TMEM117: variants seen among roughly 807,000 people sequenced by gnomAD.
TMEM117 encodes the protein transmembrane protein 117.
A neutral mutation model predicts 52.4 loss-of-function variants in TMEM117; 27 were observed. The ratio of observed to expected loss-of-function variants is 0.51; its 90% CI spans 0.38 to 0.71. The LOEUF (loss-of-function observed/expected upper bound fraction) is 0.71, where lower values mean the gene tolerates loss of function less well. Ranked by LOEUF, TMEM117 falls within the 30% of genes least tolerant of loss-of-function variation. The pLI, the probability that TMEM117 is intolerant of heterozygous loss-of-function variation, is 0.00. For synonymous variants in TMEM117, 215 were observed against 206.3 expected (o/e 1.04, Z -0.36); for missense variants, 556 against 630.5 (o/e 0.88, Z 1.26).
rs561316284 is a variant in TMEM117, at chr12:44,011,560, A to T, written c.410+67218A>T. Among the ~76,000 whole-genome samples the T allele has an allele frequency of 3.0e-3, 461 of 152,238 alleles. 3 individuals carry two copies. Among genetic ancestry groups the T allele is most frequent in the African/African-American group, 0.011 (448 of 41,538 alleles). On this transcript the variant is annotated intron_variant, in intron 3 of 7. Transcript: ENST00000266534. ...TCATGATTGTGAGGCCTCCCCAGCC[A>T]TGTGGAATTGTAACTTAATTAAACC...
chr12:44,114,480 G>A (rs182423302), intron 3 of TMEM117, among the ~76,000 whole-genome samples: 1 of 152,140 alleles, frequency 6.6e-6, no homozygotes, highest in Non-Finnish European at 1.5e-5. Context: ...GATCTCAAGA[G>A]AACCTTTTTC....
chr12:44,369,835 G>A (rs1382478047), intron 6 of TMEM117, among the ~76,000 whole-genome samples: 1 of 152,130 alleles, frequency 6.6e-6, no homozygotes, highest in African/African-American at 2.4e-5. Context: ...AGTTCCTCCT[G>A]AGAGAAAACT....
intron 2 of TMEM117, among the ~76,000 whole-genome samples, chr12:43,910,704 GACAA>G (rs1238037786): frequency 2.3e-4 from 28 of 123,698 alleles, no homozygotes; most frequent in African/African-American, 7.3e-4. Flanking sequence ...ACCAACAACA[GACAA>G]ACAGAGAGCC....
intron 5 of TMEM117, among the ~76,000 whole-genome samples, chr12:44,215,805 C>G (rs11609568): frequency 0.11 from 16,026 of 151,568 alleles, 932 homozygotes; most frequent in Middle Eastern, 0.2. Flanking sequence ...AGATCTAGTG[C>G]TCATTAGGGC....
At chr12:44,268,577 T>A (rs1223610259) in intron 5 of TMEM117, among the ~76,000 whole-genome samples, 1 of 152,060 alleles carries the variant, frequency 6.6e-6, no homozygotes, top group African/African-American at 2.4e-5. Flanking sequence ...TATGTATGAG[T>A]TTATCATTTA....
At chr12:44,156,447 G>A (rs1251562408) in intron 4 of TMEM117, among the ~76,000 whole-genome samples, 1 of 152,002 alleles carries the variant, frequency 6.6e-6, no homozygotes, top group Non-Finnish European at 1.5e-5. Context: ...TCCCAAATTT[G>A]TCTGCATACT....
chr12:44,116,387 T>C (rs1004592001), intron 3 of TMEM117, among the ~76,000 whole-genome samples: 6 of 152,192 alleles, frequency 3.9e-5, no homozygotes, highest in Admixed American at 3.9e-4. Flanking sequence ...TCACCTACTA[T>C]TAAAACTACA....
intron 3 of TMEM117, among the ~76,000 whole-genome samples, chr12:44,107,358 T>A (rs1947974976): frequency 1.3e-5 from 2 of 152,130 alleles, no homozygotes; most frequent in South Asian, 4.1e-4. Flanking sequence ...CATTTATTTG[T>A]GACCAGCATC....
chr12:44,195,249 A>G (rs1195748967), intron 4 of TMEM117, among the ~76,000 whole-genome samples: 1 of 152,140 alleles, frequency 6.6e-6, no homozygotes, highest in Non-Finnish European at 1.5e-5. Context: ...TGTAGGGCTG[A>G]GGTCCCTGTT....
intron 3 of TMEM117, among the ~76,000 whole-genome samples, chr12:43,990,363 C>T (rs1374650432): frequency 6.6e-6 from 1 of 152,068 alleles, no homozygotes; most frequent in Non-Finnish European, 1.5e-5. Flanking sequence ...AAGGTAACTC[C>T]AGATTTCCTT....
chr12:43,817,898 C>T, the TMEM117 span, among the ~76,000 whole-genome samples: 2 of 152,150 alleles, frequency 1.3e-5, no homozygotes, highest in South Asian at 2.1e-4. Context: ...CTCAGTTTAT[C>T]TCATGAGTGA....
At chr12:44,255,993 C>T (rs1030032102) in intron 5 of TMEM117, among the ~76,000 whole-genome samples, 3 of 151,850 alleles carry the variant, frequency 2.0e-5, no homozygotes, top group Non-Finnish European at 4.4e-5. Context: ...CCAGACCATT[C>T]CTCATATCCT....
rs142657126 is a variant in TMEM117, at chr12:44,348,808, A to T, written c.769-27787A>T. On this transcript the variant is annotated intron_variant, in intron 6 of 7. Transcript: ENST00000266534. ...CTCAAGACATAGAAGTGTGAGGGTG[A>T]AGAGTTGGGACCATTAGAACGGGCC... 2.8e-3 allele frequency among the ~76,000 whole-genome samples: 426 copies of T among 152,036 alleles called. 3 individuals carry two copies. The highest frequency in any genetic ancestry group is 9.2e-3 in the African/African-American group (384 of 41,530).
chr12:43,866,209 T>G (rs944146640), intron 2 of TMEM117, among the ~76,000 whole-genome samples: 4 of 151,832 alleles, frequency 2.6e-5, no homozygotes, highest in Non-Finnish European at 5.9e-5. Flanking sequence ...GAATGATGGT[T>G]AATTTCTTAT....
chr12:43,832,270 G>A (rs779880749), upstream of TMEM117, among the ~76,000 whole-genome samples: 1 of 152,208 alleles, frequency 6.6e-6, no homozygotes, highest in Admixed American at 6.5e-5. Context: ...TTCATAGAAC[G>A]GTAATGTTTG....
At chr12:43,937,564 G>A (rs759267279) in intron 2 of TMEM117, among the ~76,000 whole-genome samples, 4 of 152,142 alleles carry the variant, frequency 2.6e-5, no homozygotes, top group Non-Finnish European at 4.4e-5. Context: ...GGAGCTTCTC[G>A]CCAAATAGGA....
chr12:44,190,163 A>G (rs891680193), intron 4 of TMEM117, among the ~76,000 whole-genome samples: 4 of 152,196 alleles, frequency 2.6e-5, no homozygotes, highest in Admixed American at 2.6e-4. Context: ...CACTTTTGTA[A>G]TAGCCTAATA....
chr12:44,047,004 T>C (rs990146155), intron 3 of TMEM117, among the ~76,000 whole-genome samples: 1 of 152,088 alleles, frequency 6.6e-6, no homozygotes, highest in Non-Finnish European at 1.5e-5. Flanking sequence ...GACACGGGGG[T>C]GAACTTGTGA....
chr12:44,227,729 C>A (rs1278284473), intron 5 of TMEM117, among the ~76,000 whole-genome samples: 1 of 151,980 alleles, frequency 6.6e-6, no homozygotes, highest in Non-Finnish European at 1.5e-5. Context: ...TGAAGCCTTC[C>A]CAGGCTCCTC....
Sources: allele counts gnomAD v4.1 joint callset (sites outside exome capture counted in the v4.1 genomes callset), GRCh38; gene constraint gnomAD v4.1.1; transcripts MANE v1.5; gene names NCBI Gene and HGNC (gene_info 2026-07-23, HGNC 2026-07-21).